ANKRD12: variants seen among roughly 807,000 people sequenced by gnomAD.
The protein encoded by ANKRD12 is ankyrin repeat domain-containing protein 12.
In ANKRD12, 85 loss-of-function variants were observed where a neutral mutation model predicts 183.4. The observed-to-expected ratio is 0.46, with a 90% CI of 0.39 to 0.56. The LOEUF (loss-of-function observed/expected upper bound fraction) is 0.56, where lower values mean the gene tolerates loss of function less well. ANKRD12 is among the 20% of genes least tolerant of loss of function. ANKRD12 has a pLI of 0.00. For missense variants in ANKRD12, 2,405 were observed against 2,357.1 expected (o/e 1.02, Z -0.42); for synonymous variants, 914 against 800.2 (o/e 1.14, Z -2.40).
intron 12 of ANKRD12, 40 bp downstream of exon 12, chr18:9,279,684 CCTT>C (rs769112014): frequency 2.3e-5 from 27 of 1,198,534 alleles, no homozygotes; most frequent in Middle Eastern, 2.6e-4. Context: ...AATGCTTCCC[CCTT>C]CTTAAAAAAA....
chr18:9,226,179 T>C (rs1271587307), intron 8 of ANKRD12, among the ~76,000 whole-genome samples: 1 of 152,128 alleles, frequency 6.6e-6, no homozygotes, highest in African/African-American at 2.4e-5. Context: ...ATCCCAGGAC[T>C]CTGGGAGGCT....
chr18:9,251,837 A>G (rs933644087), intron 8 of ANKRD12, among the ~76,000 whole-genome samples: 4 of 152,208 alleles, frequency 2.6e-5, no homozygotes, highest in African/African-American at 4.8e-5. Context: ...ATTTTAATAA[A>G]ATGTTTTAAC....
At chr18:9,245,467 T>C (rs1304975399) in intron 8 of ANKRD12, among the ~76,000 whole-genome samples, 1 of 151,972 alleles carries the variant, frequency 6.6e-6, no homozygotes, top group East Asian at 1.9e-4. Context: ...CTCAAAAAAA[T>C]AAAAAGACCA....
chr18:9,252,565 AAAAG>A (rs1241809257), intron 8 of ANKRD12, among the ~76,000 whole-genome samples: 1 of 152,244 alleles, frequency 6.6e-6, no homozygotes, highest in African/African-American at 2.4e-5. Flanking sequence ...CCATTAGAAA[AAAAG>A]GCATATCTGA....
chr18:9,224,038 A>G (rs1031006332), intron 8 of ANKRD12, among the ~76,000 whole-genome samples: 1 of 152,236 alleles, frequency 6.6e-6, no homozygotes, highest in Non-Finnish European at 1.5e-5. Flanking sequence ...AAAGAAACAA[A>G]TGTCCTAATA....
At chr18:9,197,306 T>C (rs147910808) in intron 3 of ANKRD12, among the ~76,000 whole-genome samples, 3 of 152,362 alleles carry the variant, frequency 2.0e-5, no homozygotes, top group African/African-American at 4.8e-5. Context: ...CGTTGGACTT[T>C]AGTTGGGATA....
chr18:9,172,309 G>A (rs890160661), intron 1 of ANKRD12, among the ~76,000 whole-genome samples: 6 of 152,100 alleles, frequency 3.9e-5, no homozygotes, highest in Admixed American at 1.3e-4. Context: ...ATATCCTGAA[G>A]TATGTTTTCT....
At chr18:9,158,935 C>T (rs1170285818) in intron 1 of ANKRD12, among the ~76,000 whole-genome samples, 2 of 152,182 alleles carry the variant, frequency 1.3e-5, no homozygotes, top group African/African-American at 4.8e-5. Context: ...TCCAATACTA[C>T]TATATTCTGT....
chr18:9,237,302 T>G (rs1015178634), intron 8 of ANKRD12, among the ~76,000 whole-genome samples: 3 of 152,178 alleles, frequency 2.0e-5, no homozygotes, highest in Non-Finnish European at 1.5e-5. Flanking sequence ...GAGGTGTGAA[T>G]TGGTCAAAGA....
chr18:9,190,262 A>T (rs1189047486), intron 2 of ANKRD12, among the ~76,000 whole-genome samples: 1 of 152,226 alleles, frequency 6.6e-6, no homozygotes, highest in Non-Finnish European at 1.5e-5. Context: ...CTGAAATCTC[A>T]TGATCAAACT....
rs547110509 is a variant in ANKRD12 at position 9,270,326 on chromosome 18, C to T, written c.5764-5198C>T. ...GACACATGCACACGTATGTTTATTG[C>T]GGCACTATTCACAGTAGCAAAGACT... On this transcript the variant is annotated intron_variant, in intron 10 of 12. Coordinates refer to ENST00000262126, the MANE Select transcript of ANKRD12 (RefSeq NM_015208.5). Among the ~76,000 whole-genome samples the T allele has an allele frequency of 3.1e-4, 47 of 152,200 alleles. No individual in the cohort carries two copies. The South Asian group carries it at 8.5e-3, about 28-fold the overall frequency.
At chr18:9,217,616 A>G (rs2036184221) in intron 7 of ANKRD12, among the ~76,000 whole-genome samples, 2 of 152,198 alleles carry the variant, frequency 1.3e-5, no homozygotes, top group South Asian at 4.1e-4. Context: ...TCTTATTTTG[A>G]ATGAAGAAAA....
At chr18:9,274,653 G>A (rs940717814) in intron 10 of ANKRD12, among the ~76,000 whole-genome samples, 1 of 152,068 alleles carries the variant, frequency 6.6e-6, no homozygotes, top group Non-Finnish European at 1.5e-5. Context: ...TACACTAAAA[G>A]CCACTATTTT....
intron 3 of ANKRD12, among the ~76,000 whole-genome samples, chr18:9,196,896 G>A (rs2034864377): frequency 6.6e-6 from 1 of 151,920 alleles, no homozygotes; most frequent in African/African-American, 2.4e-5. Flanking sequence ...CTAATTACTG[G>A]ATCGCTTACC....
intron 2 of ANKRD12, among the ~76,000 whole-genome samples, chr18:9,194,808 C>T (rs945155752): frequency 3.9e-5 from 6 of 152,074 alleles, no homozygotes; most frequent in African/African-American, 1.2e-4. Flanking sequence ...ATTAGAAGTA[C>T]CATTCAACCC....
At chr18:9,186,136 G>GTT (rs1280812557) in intron 2 of ANKRD12, among the ~76,000 whole-genome samples, 1 of 141,890 alleles carries the variant, frequency 7.0e-6, no homozygotes, top group Non-Finnish European at 1.5e-5. Flanking sequence ...CTAAAAGTGT[G>GTT]ATTTTTTTTT....
In ANKRD12 at chr18:9,258,062, C is replaced by G; in HGVS notation, c.4795C>G (p.Gln1599Glu). The change falls in exon 9 of 13, where the codon CAG becomes GAG. Residue 1599 changes from glutamine to glutamate, a missense_variant. By Grantham distance (29) the Gln-to-Glu change is conservative (BLOSUM62 2). This residue lies in a region of ANKRD12 where 1,983 missense variants were observed against 1,725.9 expected (regional missense o/e 1.15). Coordinates refer to ENST00000262126, the MANE Select transcript of ANKRD12 (RefSeq NM_015208.5). ...CTTTAATGGAAGTGATGCCTCTACCCAGCTAAATACACATTATGCATTTAG... is the reference window on the plus strand; with the variant it reads ...CTTTAATGGAAGTGATGCCTCTACCGAGCTAAATACACATTATGCATTTAG... ...KDFNGSDAST[Q>E]LNTHYAFSKL... is the part of the protein sequence containing the mutation. 2 of 1,613,368 alleles carry G rather than the reference C, an allele frequency of 1.2e-6. No individual in the cohort carries two copies. Among genetic ancestry groups the G allele is most frequent in the Non-Finnish European group, 1.7e-6 (2 of 1,179,964 alleles).
At chr18:9,176,417 A>G (rs191160217) in intron 1 of ANKRD12, among the ~76,000 whole-genome samples, 175 of 152,056 alleles carry the variant, frequency 1.2e-3, no homozygotes, top group African/African-American at 4.0e-3. Context: ...CAGCCTCCCC[A>G]GTAGCTGGGA....
chr18:9,232,906 G>A (rs916060807), intron 8 of ANKRD12, among the ~76,000 whole-genome samples: 14 of 152,094 alleles, frequency 9.2e-5, no homozygotes, highest in Admixed American at 7.2e-4. Context: ...TTGGGGTGCA[G>A]TGGTGTGATC....
Sources: gnomAD v4.1 joint callset for allele counts (sites outside exome capture counted in the v4.1 genomes callset) on GRCh38, gnomAD v4.1.1 for gene constraint, gnomAD v4.1.1 regional missense constraint, MANE v1.5 for transcripts, NCBI Gene and HGNC (gene_info 2026-07-23, HGNC 2026-07-21) for gene names.